The following TEDC1 variants were observed in gnomAD, a reference collection of about 807,000 sequenced individuals.
TEDC1 encodes the protein tubulin epsilon and delta complex protein 1.
A neutral mutation model predicts 59.9 loss-of-function variants in TEDC1; 54 were observed. That is an observed-to-expected ratio of 0.90 (90% CI 0.72 to 1.13). The LOEUF is 1.13. Among genes scored for constraint, TEDC1 ranks in the 50% most tolerant of loss-of-function variants. The probability of loss-of-function intolerance (pLI) is 0.00; values close to 1 mark genes in which losing one functional copy is unlikely to be tolerated. For synonymous variants in TEDC1, 353 were observed against 298.1 expected (o/e 1.18, Z -1.90); for missense variants, 734 against 683.4 (o/e 1.07, Z -0.83).
rs782631414 is a variant in TEDC1 at position 105,493,895 on chromosome 14, G to A, written c.646G>A (p.Glu216Lys). The A allele has an allele frequency of 3.2e-6, 5 of 1,584,498 alleles. No homozygotes were observed. In the Admixed American group the frequency reaches 8.5e-5, roughly 27 times the overall value. Residue 216 changes from glutamate to lysine, a missense_variant, in exon 5 of 9, where the codon GAA becomes AAA. Physicochemically the swap from Glu to Lys is moderately conservative, Grantham distance 56. Coordinates refer to ENST00000392523, the MANE Select transcript of TEDC1 (RefSeq NM_001367178.1). ...DQSLSHLSVT[E>K]AEMLRDPEGG... Reference sequence around the variant, plus strand: ...GAGCCTTAGCCATCTGTCTGTCACTGAAGCAGAGATGCTCAGGGACCCAGA... The same window carrying A: ...GAGCCTTAGCCATCTGTCTGTCACTAAAGCAGAGATGCTCAGGGACCCAGA...
In TEDC1 at chr14:105,492,582, G is replaced by A. The variant is rs1176112649; in HGVS notation, c.433G>A (p.Glu145Lys). 6.5e-7 allele frequency: 1 copy of A among 1,538,400 alleles called. No homozygotes were observed. Among genetic ancestry groups the A allele is most frequent in the Admixed American group, 2.0e-5 (1 of 50,952 alleles). ...CCTGACCCTTGCCCCTCTCCAGTGT[G>A]AGGCCCTGGCCAGCCCTGGCCCACC... is the stretch of plus-strand genomic sequence containing the variant. ...LGDEMTVCQC[E>K]ALASPGPPAP... Residue 145 changes from glutamate to lysine, a missense_variant, in exon 4 of 9, where the codon GAG becomes AAG. Coordinates refer to ENST00000392523, the MANE Select transcript of TEDC1 (RefSeq NM_001367178.1).
chr14:105,492,029 G>A, intron 2 of TEDC1, 78 bp from the exon 3 acceptor site: 1 of 1,422,904 alleles, frequency 7.0e-7, no homozygotes, highest in Non-Finnish European at 9.6e-7. Flanking sequence ...CAAGTGACCT[G>A]TGGGGGTCTC....
chr14:105,497,148 G>A, intron 6 of TEDC1: 1 of 635,658 alleles, frequency 1.6e-6, no homozygotes, highest in Non-Finnish European at 2.8e-6. Context: ...CTGCAGAAAG[G>A]ACAGGTGGGC....
intron 2 of TEDC1, 105 bp downstream of exon 2, chr14:105,491,805 C>T: frequency 1.5e-6 from 2 of 1,306,144 alleles, no homozygotes; most frequent in Non-Finnish European, 2.1e-6. Context: ...CTCTAGCCCC[C>T]ACCCAACACT....
At chr14:105,497,654 C>T (rs2084377772) in intron 7 of TEDC1, 144 bp from the exon 8 acceptor site, 4 of 1,208,994 alleles carry the variant, frequency 3.3e-6, no homozygotes, top group Admixed American at 2.8e-5. Flanking sequence ...AGAGTGTGGC[C>T]TTTGTGCCTC....
intron 4 of TEDC1, among the ~76,000 whole-genome samples, chr14:105,493,083 G>A (rs1282265247): frequency 1.3e-5 from 2 of 152,172 alleles, no homozygotes; most frequent in African/African-American, 2.4e-5. Flanking sequence ...GCACTGGAGG[G>A]GGAGGAAGAC....
intron 4 of TEDC1, among the ~76,000 whole-genome samples, 176 bp downstream of exon 4, chr14:105,492,910 G>C (rs2084249638): frequency 6.6e-6 from 1 of 152,164 alleles, no homozygotes; most frequent in Admixed American, 6.5e-5. Context: ...CCTTGTAGGG[G>C]GCAGGGCTGG....
upstream of TEDC1, chr14:105,490,751 C>A (rs1166478974): frequency 2.2e-5 from 10 of 463,530 alleles, no homozygotes; most frequent in African/African-American, 2.1e-4. Context: ...CTGGGCGCCT[C>A]CTGGCGGCCC....
chr14:105,492,067 A>G (rs2084226742), intron 2 of TEDC1, 40 bp from the exon 3 acceptor site: 2 of 1,549,618 alleles, frequency 1.3e-6, no homozygotes, highest in Non-Finnish European at 1.7e-6. Context: ...TGTCACCTCC[A>G]GGTGGGTGGT....
upstream of TEDC1, chr14:105,490,669 G>A (rs587652345): frequency 1.8e-3 from 300 of 165,376 alleles, no homozygotes; most frequent in African/African-American, 6.6e-3. Flanking sequence ...GGGCGGGGGA[G>A]CTGCCCGGGA....
At chr14:105,495,219 G>C (rs1261204173) in intron 5 of TEDC1, 1 of 154,428 alleles carries the variant, frequency 6.5e-6, no homozygotes, top group Non-Finnish European at 1.4e-5. Flanking sequence ...TCCTGCTCCA[G>C]GTGCATATGG....
Position 105,491,363 on chromosome 14 carries a change from T to A in TEDC1, c.-13T>A. On this transcript the variant is annotated 5_prime_UTR_variant, in exon 1 of 9. Coordinates refer to ENST00000392523, the MANE Select transcript of TEDC1 (RefSeq NM_001367178.1). ...CGGAGGCGGGCGATCCGAAAGAGGC[T>A]GGTGCTGGCTGCATGGGGAGGCGGC... 2 of 1,439,590 alleles carry A rather than the reference T, an allele frequency of 1.4e-6. No homozygotes were observed. Among genetic ancestry groups the A allele is most frequent in the African/African-American group, 1.5e-5 (1 of 68,934 alleles). The allele number at this position is 1,439,590 out of a possible 1,614,324, so 89.2% of individuals were successfully genotyped here.
chr14:105,498,358 T>C (rs2084394394), intron 8 of TEDC1, among the ~76,000 whole-genome samples: 1 of 152,224 alleles, frequency 6.6e-6, no homozygotes, highest in African/African-American at 2.4e-5. Flanking sequence ...GACTCAGAGC[T>C]GCCCGCTTAA....
At position 105,499,131 on chromosome 14, in the gene TEDC1, A is replaced by G; in HGVS notation, c.*185A>G. 1 of 655,854 alleles carries G rather than the reference A, an allele frequency of 1.5e-6. No homozygotes were observed. Among genetic ancestry groups the G allele is most frequent in the East Asian group, 2.7e-5 (1 of 36,424 alleles). The allele number at this position is 655,854 out of a possible 1,614,324, so 40.6% of individuals were successfully genotyped here. On this transcript the variant is annotated 3_prime_UTR_variant, in exon 9 of 9. Transcript: ENST00000392523. ...GGATCCCAGGCCTGTGGCTAGCAGC[A>G]CTGGGGACAGGAATGGCTGGTCCCT...
At chr14:105,494,558 G>A (rs1362352571) in intron 5 of TEDC1, 7 of 154,588 alleles carry the variant, frequency 4.5e-5, no homozygotes, top group African/African-American at 1.7e-4. Flanking sequence ...GGGCTCTGTG[G>A]TCCCAGGCAG....
At position 105,498,666 on chromosome 14, in the gene TEDC1, C is replaced by T. The variant is rs1555441012; in HGVS notation, c.1208C>T (p.Ser403Phe). The T allele has an allele frequency of 1.9e-6, 3 of 1,554,252 alleles. No individual in the cohort carries two copies. The highest frequency in any genetic ancestry group is 1.7e-6 in the Non-Finnish European group (2 of 1,149,526). ...GAGTGGAGTGCCGCGCGGCGGGCCT[C>T]TCGGGAGGCTGTGGAAAAGGAGCTG... The part of the protein sequence containing the change: ...GPEWSAARRA[S>F]REAVEKELGA... Residue 403 changes from serine to phenylalanine, a missense_variant, in exon 9 of 9, where the codon TCT (serine) becomes TTT (phenylalanine). Coordinates refer to ENST00000392523, the MANE Select transcript of TEDC1 (RefSeq NM_001367178.1).
upstream of TEDC1, chr14:105,491,016 CAGAAT>C (rs2084192803): frequency 3.9e-6 from 6 of 1,549,708 alleles, no homozygotes; most frequent in Non-Finnish European, 5.2e-6. Context: ...CCGCACGAGA[CAGAAT>C]AGACTACACT....
At chr14:105,496,299 G>A (rs77832269) in intron 6 of TEDC1, 5 of 575,026 alleles carry the variant, frequency 8.7e-6, no homozygotes, top group African/African-American at 3.9e-5. Context: ...GCGTGCTGGG[G>A]TGGGCAGGTG....
chr14:105,496,101 C>T lies in TEDC1; in HGVS notation c.891+15C>T. The T allele has an allele frequency of 2.0e-6, 2 of 1,000,146 alleles. No individual in the cohort carries two copies. The highest frequency in any genetic ancestry group is 2.4e-6 in the Non-Finnish European group (2 of 829,522). The allele number at this position is 1,000,146 out of a possible 1,614,324, so 62.0% of individuals were successfully genotyped here. ...CTTTTAGGGCGGTAAGTCGGGGAGG[C>T]TGGCAGGGAAGTGGAGACCGCAGGA... is the stretch of plus-strand genomic sequence containing the variant. On this transcript the variant is annotated intron_variant, in intron 6 of 8. Coordinates refer to ENST00000392523, the MANE Select transcript of TEDC1 (RefSeq NM_001367178.1).
Sources: gnomAD v4.1 joint callset for allele counts (sites outside exome capture counted in the v4.1 genomes callset) on GRCh38, gnomAD v4.1.1 for gene constraint, MANE v1.5 for transcripts, NCBI Gene and HGNC (gene_info 2026-07-23, HGNC 2026-07-21) for gene names.